The following PLCB1 variants were observed in gnomAD, a reference collection of about 807,000 sequenced individuals.
PLCB1 encodes 1-phosphatidylinositol 4,5-bisphosphate phosphodiesterase beta-1.
PLCB1 carries 46 observed loss-of-function variants against 161.8 expected under a neutral mutation model. The ratio of observed to expected loss-of-function variants is 0.28; its 90% CI spans 0.22 to 0.36. The LOEUF is 0.36. PLCB1 is among the 10% of genes least tolerant of loss of function. PLCB1 has a pLI of 1.00. For synonymous variants in PLCB1, 517 were observed against 503.7 expected (o/e 1.03, Z -0.35); for missense variants, 1,016 against 1,472.5 (o/e 0.69, Z 5.07).
chr20:8,244,780 C>T (rs1002367763), intron 2 of PLCB1, among the ~76,000 whole-genome samples: 4 of 151,788 alleles, frequency 2.6e-5, no homozygotes, highest in African/African-American at 7.3e-5. Context: ...ATTATTTTCT[C>T]CTTTCCAATT....
intron 2 of PLCB1, among the ~76,000 whole-genome samples, chr20:8,204,165 A>C (rs770173801): frequency 6.6e-6 from 1 of 152,152 alleles, no homozygotes; most frequent in Non-Finnish European, 1.5e-5. Flanking sequence ...CAGGGTGGGG[A>C]AATAATTGAA....
chr20:8,842,675 G>A (rs778583100), intron 31 of PLCB1, among the ~76,000 whole-genome samples: 71 of 152,280 alleles, frequency 4.7e-4, no homozygotes, highest in African/African-American at 1.2e-3. Context: ...CAGCTCTAAG[G>A]GGGTATGAGT....
intron 3 of PLCB1, among the ~76,000 whole-genome samples, chr20:8,620,747 CAAAAAAAA>C (rs779029928): frequency 1.6e-4 from 12 of 75,242 alleles, no homozygotes; most frequent in African/African-American, 1.6e-4. Flanking sequence ...CTGCCCCCAC[CAAAAAAAA>C]AAAAAAAAAA....
chr20:8,351,683 T>G (rs752762446), intron 2 of PLCB1, among the ~76,000 whole-genome samples: 1 of 151,870 alleles, frequency 6.6e-6, no homozygotes, highest in East Asian at 1.9e-4. Flanking sequence ...GCAAAACATA[T>G]GAACAGATAT....
In PLCB1 at chr20:8,132,801, G is replaced by T. The variant is rs1156935919; in HGVS notation, c.99+51G>T. ...GGGCGCTGGCTCGGGCACCGGGCAGGGCGGGCGTCGTGGGGGTGGGGCAAG... is the reference window on the plus strand; with the variant it reads ...GGGCGCTGGCTCGGGCACCGGGCAGTGCGGGCGTCGTGGGGGTGGGGCAAG... On this transcript the variant is annotated intron_variant, in intron 1 of 31. Coordinates refer to ENST00000338037, the MANE Select transcript of PLCB1 (RefSeq NM_015192.4). The surrounding 1 kb of genome is among the most constrained non-coding windows in gnomAD (Gnocchi z 5.2). The T allele has an allele frequency of 4.3e-6, 6 of 1,383,228 alleles. No homozygotes were observed. The East Asian group carries it at 1.4e-4, about 32-fold the overall frequency. The allele number at this position is 1,383,228 out of a possible 1,614,324, so 85.7% of individuals were successfully genotyped here.
At chr20:8,608,849 C>A (rs186085365) in intron 3 of PLCB1, among the ~76,000 whole-genome samples, 3 of 152,188 alleles carry the variant, frequency 2.0e-5, no homozygotes, top group Non-Finnish European at 1.5e-5. Context: ...TGAATGAATT[C>A]ACTATTTTAC....
chr20:8,398,031 T>G (rs1568661281), intron 3 of PLCB1, among the ~76,000 whole-genome samples: 1 of 152,254 alleles, frequency 6.6e-6, no homozygotes, highest in East Asian at 1.9e-4. Flanking sequence ...GATTTTACCA[T>G]TTTCTACCCC....
intron 3 of PLCB1, among the ~76,000 whole-genome samples, chr20:8,549,401 C>G (rs1309138450): frequency 6.6e-6 from 1 of 152,058 alleles, no homozygotes; most frequent in East Asian, 1.9e-4. Context: ...ACAGTGTTTG[C>G]TTTTGATTAC....
intron 2 of PLCB1, among the ~76,000 whole-genome samples, chr20:8,174,665 T>A (rs2051764733): frequency 6.6e-6 from 1 of 152,144 alleles, no homozygotes; most frequent in Non-Finnish European, 1.5e-5. Flanking sequence ...TAGGAGTCAG[T>A]AAAGGGACCT....
chr20:8,136,216 T>C (rs1471362436), intron 1 of PLCB1, among the ~76,000 whole-genome samples: 2 of 152,352 alleles, frequency 1.3e-5, no homozygotes, highest in South Asian at 2.1e-4. Flanking sequence ...AACGGTAACA[T>C]GCAAATTGTA....
At chr20:8,320,371 A>G (rs1984856350) in intron 2 of PLCB1, among the ~76,000 whole-genome samples, 1 of 152,186 alleles carries the variant, frequency 6.6e-6, no homozygotes, top group Admixed American at 6.5e-5. Flanking sequence ...GTTAATTTTT[A>G]GGAGGTAAGT....
At chr20:8,874,917 C>G (rs1322485913) in intron 31 of PLCB1, among the ~76,000 whole-genome samples, 1 of 151,798 alleles carries the variant, frequency 6.6e-6, no homozygotes, top group Non-Finnish European at 1.5e-5. Flanking sequence ...TAAATTTTGT[C>G]AAATTATTGC....
chr20:8,412,039 AAAAG>A (rs1979067800), intron 3 of PLCB1, among the ~76,000 whole-genome samples: 2 of 152,188 alleles, frequency 1.3e-5, no homozygotes, highest in Admixed American at 6.5e-5. Flanking sequence ...AAAAGAAAAA[AAAAG>A]AAGACAATTT....
intron 2 of PLCB1, 65 bp from the exon 3 acceptor site, chr20:8,371,317 A>T: frequency 9.3e-7 from 1 of 1,070,426 alleles, no homozygotes; most frequent in East Asian, 2.4e-5. Context: ...AGTGATGTCA[A>T]TGACATAAAA....
intron 3 of PLCB1, among the ~76,000 whole-genome samples, chr20:8,534,677 C>A (rs1426995896): frequency 6.6e-6 from 1 of 152,020 alleles, no homozygotes; most frequent in Non-Finnish European, 1.5e-5. Flanking sequence ...TCAGACAGAG[C>A]AAAAAGCCAT....
intron 9 of PLCB1, among the ~76,000 whole-genome samples, chr20:8,675,501 G>A (rs145362398): frequency 6.6e-6 from 1 of 152,268 alleles, no homozygotes; most frequent in African/African-American, 2.4e-5. Flanking sequence ...GCCAGGCAAA[G>A]CAGAAGACCT....
At chr20:8,278,840 G>A (rs995058289) in intron 2 of PLCB1, among the ~76,000 whole-genome samples, 8 of 151,932 alleles carry the variant, frequency 5.3e-5, no homozygotes, top group African/African-American at 1.9e-4. Context: ...ATGCACTGTT[G>A]GAAATATATT....
intron 2 of PLCB1, among the ~76,000 whole-genome samples, chr20:8,204,600 T>C (rs1002308642): frequency 2.6e-5 from 4 of 152,066 alleles, no homozygotes; most frequent in African/African-American, 9.7e-5. Flanking sequence ...CCATGTGAGA[T>C]GCTGGCTTCC....
intron 26 of PLCB1, among the ~76,000 whole-genome samples, chr20:8,766,694 T>C (rs147849885): frequency 6.2e-4 from 94 of 152,326 alleles, no homozygotes; most frequent in African/African-American, 2.2e-3. Context: ...GCAATGACTC[T>C]AGCTGCTGTG....
Sources: gnomAD v4.1 joint callset for allele counts (sites outside exome capture counted in the v4.1 genomes callset) on GRCh38, gnomAD v4.1.1 for gene constraint, Gnocchi (gnomAD v3.1) non-coding constraint, MANE v1.5 for transcripts, NCBI Gene and HGNC (gene_info 2026-07-23, HGNC 2026-07-21) for gene names.